ZNF804B: variants seen among roughly 807,000 people sequenced by gnomAD.
The protein encoded by ZNF804B is zinc finger protein 804B, also known as zinc finger 804B.
ZNF804B carries 80 observed loss-of-function variants against 101.4 expected under a neutral mutation model. That is an observed-to-expected ratio of 0.79 (90% CI 0.66 to 0.95). The LOEUF (loss-of-function observed/expected upper bound fraction) is 0.95. ZNF804B is among the 40% of genes least tolerant of loss of function. The probability of loss-of-function intolerance (pLI) is 0.00; values close to 1 mark genes in which losing one functional copy is unlikely to be tolerated. For synonymous variants in ZNF804B, 622 were observed against 558.8 expected, an observed-to-expected ratio of 1.11 and a Z score of -1.59; for missense variants, 1,673 against 1,561.9, an observed-to-expected ratio of 1.07 and a Z score of -1.20.
chr7:89,309,665 C>T lies in ZNF804B; in HGVS notation c.250-17679C>T, dbSNP rs1484254337. 2.1e-5 allele frequency among the ~76,000 whole-genome samples: 3 copies of T among 144,474 alleles called. No individual in the cohort carries two copies. The East Asian group carries it at 6.9e-4, about 33-fold the overall frequency. 94.8% of individuals were successfully genotyped at this position (144,474 alleles called of 152,430 possible). On this transcript the variant is annotated intron_variant, in intron 2 of 3. Coordinates refer to ENST00000333190, the MANE Select transcript of ZNF804B (RefSeq NM_181646.5). Reference sequence around the variant, plus strand: ...GTCCCAGCTACTTGGGAGGCTGAGGCAGAAGAATCGCTTGAACCATGCAGG... The same window carrying T: ...GTCCCAGCTACTTGGGAGGCTGAGGTAGAAGAATCGCTTGAACCATGCAGG...
At chr7:88,904,424 T>A (rs1009452415) in intron 1 of ZNF804B, among the ~76,000 whole-genome samples, 8 of 152,218 alleles carry the variant, frequency 5.3e-5, no homozygotes, top group African/African-American at 1.9e-4. Flanking sequence ...TAGGATTGCT[T>A]TGGCTATTCA....
chr7:89,269,851 C>A (rs1016216183), intron 2 of ZNF804B, among the ~76,000 whole-genome samples: 2 of 152,036 alleles, frequency 1.3e-5, no homozygotes, highest in African/African-American at 4.8e-5. Flanking sequence ...TGTTGGCTGC[C>A]TAAATGTCTT....
intron 1 of ZNF804B, among the ~76,000 whole-genome samples, chr7:89,049,616 A>G (rs1367741208): frequency 6.6e-6 from 1 of 152,148 alleles, no homozygotes; most frequent in Admixed American, 6.6e-5. Context: ...TGATGAATGT[A>G]TTTGTTCTTT....
chr7:89,047,539 G>A (rs1036888222), intron 1 of ZNF804B, among the ~76,000 whole-genome samples: 1 of 152,168 alleles, frequency 6.6e-6, no homozygotes, highest in Non-Finnish European at 1.5e-5. Flanking sequence ...CCAGAAGTCA[G>A]AAACAGATAC....
chr7:88,933,766 CACAA>C (rs1792925600), intron 1 of ZNF804B, among the ~76,000 whole-genome samples: 5 of 152,008 alleles, frequency 3.3e-5, no homozygotes, highest in East Asian at 3.9e-4. Flanking sequence ...TCATAGATGA[CACAA>C]ACAAACAAAA....
intron 1 of ZNF804B, among the ~76,000 whole-genome samples, chr7:88,874,448 T>G (rs1337918135): frequency 6.6e-6 from 1 of 151,982 alleles, no homozygotes; most frequent in Non-Finnish European, 1.5e-5. Flanking sequence ...TTTTCCTAAT[T>G]GAATACCCTT....
rs117559659 is a variant in ZNF804B, at chr7:89,185,814, C to G, written c.109-32341C>G. ...GACGGAGGTTGCAGTGAGCCAAAAT[C>G]ACACCACTGCACTCCAGCCTCAGAC... On this transcript the variant is annotated intron_variant, in intron 1 of 3. Transcript: ENST00000333190. Among the ~76,000 whole-genome samples the G allele has an allele frequency of 7.2e-3, 1,092 of 151,958 alleles. 2 individuals carry two copies. Among genetic ancestry groups the G allele is most frequent in the Non-Finnish European group, 0.012 (795 of 67,962 alleles).
chr7:89,173,711 T>C (rs1219559377), intron 1 of ZNF804B, among the ~76,000 whole-genome samples: 3 of 151,992 alleles, frequency 2.0e-5, no homozygotes, highest in Non-Finnish European at 4.4e-5. Context: ...GTTATCTGTC[T>C]TCTGTCTATC....
intron 2 of ZNF804B, among the ~76,000 whole-genome samples, chr7:89,287,327 C>A (rs888026298): frequency 2.0e-5 from 3 of 151,994 alleles, no homozygotes; most frequent in African/African-American, 7.2e-5. Flanking sequence ...CATACACGTG[C>A]ACACACACGT....
At chr7:89,203,055 A>G (rs1363089633) in intron 1 of ZNF804B, among the ~76,000 whole-genome samples, 1 of 152,060 alleles carries the variant, frequency 6.6e-6, no homozygotes, top group Non-Finnish European at 1.5e-5. Flanking sequence ...ACAAATGCAC[A>G]TACAGAATAG....
chr7:88,810,649 C>A (rs1333088336), intron 1 of ZNF804B, among the ~76,000 whole-genome samples: 1 of 149,204 alleles, frequency 6.7e-6, no homozygotes, highest in Non-Finnish European at 1.5e-5. Flanking sequence ...GGCAGCAGGG[C>A]GAGACCCTGT....
chr7:89,298,641 A>T (rs189539733), intron 2 of ZNF804B, among the ~76,000 whole-genome samples: 150 of 152,026 alleles, frequency 9.9e-4, no homozygotes, highest in African/African-American at 3.4e-3. Flanking sequence ...AAAATAACTT[A>T]TTCCTGTGTT....
chr7:89,100,483 G>C (rs563126941), intron 1 of ZNF804B, among the ~76,000 whole-genome samples: 1 of 152,116 alleles, frequency 6.6e-6, no homozygotes, highest in African/African-American at 2.4e-5. Context: ...CAAGTTAAAA[G>C]CCTTCTGTGC....
chr7:89,286,351 C>T (rs1790195906), intron 2 of ZNF804B, among the ~76,000 whole-genome samples: 1 of 152,086 alleles, frequency 6.6e-6, no homozygotes, highest in South Asian at 2.1e-4. Context: ...AAAGTGAGAA[C>T]AACATGAAAG....
At chr7:89,084,163 G>T (rs962288811) in intron 1 of ZNF804B, among the ~76,000 whole-genome samples, 1 of 151,902 alleles carries the variant, frequency 6.6e-6, no homozygotes, top group Non-Finnish European at 1.5e-5. Flanking sequence ...TTTCTCAACT[G>T]TAGCAATGCC....
chr7:88,898,073 C>CT (rs869050718), intron 1 of ZNF804B, among the ~76,000 whole-genome samples: 929 of 56,592 alleles, frequency 0.016, 228 homozygotes, highest in Middle Eastern at 0.034. Context: ...ACTTCTCCAT[C>CT]TTTTTTTTTT....
intron 1 of ZNF804B, among the ~76,000 whole-genome samples, chr7:89,033,820 A>G (rs759852000): frequency 7.2e-5 from 11 of 152,066 alleles, no homozygotes; most frequent in African/African-American, 1.2e-4. Flanking sequence ...TTATTAATAA[A>G]TAGGTGAAAG....
chr7:89,276,189 G>C (rs1384801196), intron 2 of ZNF804B, among the ~76,000 whole-genome samples: 2 of 151,808 alleles, frequency 1.3e-5, no homozygotes, highest in Non-Finnish European at 2.9e-5. Flanking sequence ...AGGGTAGGGA[G>C]AGCATCAGGA....
At chr7:89,264,977 TATATC>T (rs567904306) in intron 2 of ZNF804B, among the ~76,000 whole-genome samples, 149 of 152,354 alleles carry the variant, frequency 9.8e-4, no homozygotes, top group Middle Eastern at 6.8e-3. Flanking sequence ...TGTGTTCTCT[TATATC>T]ATATCTTTGT....
Sources: gnomAD v4.1 joint callset for allele counts (sites outside exome capture counted in the v4.1 genomes callset) on GRCh38, gnomAD v4.1.1 for gene constraint, MANE v1.5 for transcripts, NCBI Gene and HGNC (gene_info 2026-07-23, HGNC 2026-07-21) for gene names.